Variants in EHMT1 observed in about 807,000 individuals in gnomAD.
EHMT1 encodes the protein euchromatic histone lysine methyltransferase 1.
Under a neutral mutation model 147.2 loss-of-function variants are expected in EHMT1, and 15 were observed. The observed-to-expected ratio is 0.10, with a 90% CI of 0.07 to 0.16. The LOEUF (loss-of-function observed/expected upper bound fraction) is 0.16, where lower values mean the gene tolerates loss of function less well. Ranked by LOEUF, EHMT1 falls within the 10% of genes least tolerant of loss-of-function variation. The pLI is 1.00. For synonymous variants in EHMT1, 795 were observed against 709.6 expected (o/e 1.12, Z -1.91); for missense variants, 1,587 against 1,772.4 (o/e 0.90, Z 1.88).
In EHMT1 at chr9:137,752,356, A is replaced by AGTCCGAGGAGGAGCG; in HGVS notation, c.1197_1198insTCCGAGGAGGAGCGG (p.Gln399_Glu400insSerGluGluGluArg). 1 of 1,614,228 alleles carries AGTCCGAGGAGGAGCG rather than the reference A, an allele frequency of 6.2e-7. No homozygotes were observed. The highest frequency in any genetic ancestry group is 8.5e-7 in the Non-Finnish European group (1 of 1,180,036). On this transcript the variant is annotated inframe_insertion, in exon 7 of 27. Coordinates refer to ENST00000460843, the MANE Select transcript of EHMT1 (RefSeq NM_024757.5). The stretch of plus-strand genomic sequence containing the variant: ...ATGGACGGGGAGTCCGAGGAGGAGC[A>AGTCCGAGGAGGAGCG]GGAGTCCGTGGACACCGGGGAGGAG...
intron 25 of EHMT1, among the ~76,000 whole-genome samples, chr9:137,833,542 C>T (rs550439810): frequency 5.2e-4 from 79 of 152,368 alleles, no homozygotes; most frequent in African/African-American, 1.9e-3. Flanking sequence ...GCCCCAGCAG[C>T]TCCAAGCCCT....
chr9:137,624,738 A>C (rs1843148764), intron 1 of EHMT1, among the ~76,000 whole-genome samples: 1 of 151,950 alleles, frequency 6.6e-6, no homozygotes, highest in Non-Finnish European at 1.5e-5. Context: ...TTGGGATTAC[A>C]GGCGTGAGCC....
chr9:137,708,075 A>G (rs963492980), intron 1 of EHMT1, among the ~76,000 whole-genome samples: 2 of 152,252 alleles, frequency 1.3e-5, no homozygotes, highest in Non-Finnish European at 2.9e-5. Context: ...AAATAATAAA[A>G]GTAAACATGT....
intron 1 of EHMT1, among the ~76,000 whole-genome samples, chr9:137,706,172 A>G (rs9410116): frequency 0.33 from 49,524 of 151,816 alleles, 8,640 homozygotes; most frequent in African/African-American, 0.44. Flanking sequence ...GGGGTTGGCG[A>G]GTCCTGGACC....
rs921893161 is a variant in EHMT1, at chr9:137,669,552, C to T, written c.22-41415C>T. Among the ~76,000 whole-genome samples the T allele has an allele frequency of 8.0e-4, 121 of 152,032 alleles. 3 individuals are homozygous for T. The East Asian group carries it at 0.023, about 28-fold the overall frequency. On this transcript the variant is annotated intron_variant, in intron 1 of 26. Transcript: ENST00000460843. ...TCGACTCCTCCCAAGACGCCCCGCA[C>T]AGCACGTGCACTCACCGACTCCACC...
intron 1 of EHMT1, among the ~76,000 whole-genome samples, chr9:137,624,710 C>T (rs1196135484): frequency 6.6e-6 from 1 of 152,116 alleles, no homozygotes; most frequent in Non-Finnish European, 1.5e-5. Flanking sequence ...GATCCATCCG[C>T]CTCAGCCTCC....
intron 1 of EHMT1, among the ~76,000 whole-genome samples, chr9:137,653,653 C>T (rs1193240868): frequency 3.3e-5 from 5 of 152,050 alleles, no homozygotes; most frequent in African/African-American, 1.2e-4. Context: ...CTCAGCCTCC[C>T]GAGTAGCTGG....
chr9:137,783,889 C>G (rs1951755517), intron 15 of EHMT1, among the ~76,000 whole-genome samples: 1 of 152,238 alleles, frequency 6.6e-6, no homozygotes, highest in South Asian at 2.1e-4. Flanking sequence ...GACCTTTTCC[C>G]TCGTTTTTGG....
intron 1 of EHMT1, among the ~76,000 whole-genome samples, chr9:137,656,629 C>G (rs1385235315): frequency 2.0e-5 from 3 of 152,170 alleles, no homozygotes; most frequent in Non-Finnish European, 4.4e-5. Context: ...GGGCATATGT[C>G]CAGGGGACAT....
chr9:137,748,137 T>C (rs759779657), intron 6 of EHMT1, among the ~76,000 whole-genome samples: 1 of 152,184 alleles, frequency 6.6e-6, no homozygotes, highest in Non-Finnish European at 1.5e-5. Context: ...AAAACTGTTA[T>C]CATACTAATG....
intron 3 of EHMT1, among the ~76,000 whole-genome samples, chr9:137,717,626 AGAG>A (rs1252273961): frequency 1.4e-5 from 2 of 140,254 alleles, no homozygotes. Flanking sequence ...AAAAAAAAAA[AGAG>A]ATGCTGCTAA....
chr9:137,803,133 T>TC (rs1317251251), intron 18 of EHMT1: 64 of 1,228,644 alleles, frequency 5.2e-5, no homozygotes, highest in Admixed American at 8.5e-5. Context: ...CTGTTAGCTC[T>TC]CTGATGCTGG....
At chr9:137,725,043 A>C (rs1453843072) in intron 3 of EHMT1, among the ~76,000 whole-genome samples, 1 of 134,408 alleles carries the variant, frequency 7.4e-6, no homozygotes, top group South Asian at 2.4e-4. Context: ...TTCGTGGGGC[A>C]TTCGTGGGGC....
At chr9:137,626,221 G>C (rs1021297323) in intron 1 of EHMT1, among the ~76,000 whole-genome samples, 5 of 151,232 alleles carry the variant, frequency 3.3e-5, no homozygotes, top group Admixed American at 3.3e-4. Context: ...AGTATCTCCT[G>C]TTCTTGTTTT....
chr9:137,781,207 G>T (rs552242470), intron 14 of EHMT1, among the ~76,000 whole-genome samples: 1 of 101,206 alleles, frequency 9.9e-6, no homozygotes, highest in Non-Finnish European at 1.8e-5. Context: ...ACGCTGAGAC[G>T]TGTGGTGACG....
Position 137,714,786 on chromosome 9 carries a change from C to T in EHMT1, c.86-1840C>T, listed in dbSNP as rs573244108. On this transcript the variant is annotated intron_variant, in intron 2 of 26. Transcript: ENST00000460843. ...TGGGTCGTGAACTCCTGGGTTCAAG[C>T]GATCATGCCTCCTTGGCCTCCCAAA... is the stretch of plus-strand genomic sequence containing the variant. Among the ~76,000 whole-genome samples, 159 of 152,080 alleles carry T rather than the reference C, an allele frequency of 1.0e-3. 2 individuals are homozygous for T. Among genetic ancestry groups the T allele is most frequent in the Non-Finnish European group, 8.8e-4 (60 of 67,990 alleles).
At chr9:137,720,927 TTGCTGAACCACACTCCAGAGTGGC>T (rs1945883754) in intron 3 of EHMT1, among the ~76,000 whole-genome samples, 2 of 152,048 alleles carry the variant, frequency 1.3e-5, no homozygotes, top group Admixed American at 1.3e-4. Context: ...AACGAGGAAA[TTGCTGAACCACACTCCAGAGTGGC>T]TGCAGCCTTT....
At chr9:137,626,996 T>G (rs1371632198) in intron 1 of EHMT1, among the ~76,000 whole-genome samples, 4 of 152,122 alleles carry the variant, frequency 2.6e-5, no homozygotes, top group African/African-American at 9.7e-5. Flanking sequence ...CTCGCTTTGT[T>G]GCCTAGGCTG....
chr9:137,834,660 G>C (rs1956476152), intron 26 of EHMT1, 113 bp from the exon 27 acceptor site: 2 of 1,596,246 alleles, frequency 1.3e-6, no homozygotes, highest in South Asian at 2.2e-5. Flanking sequence ...TGCGACCTGG[G>C]ATGCGGCACG....
Sources: gnomAD v4.1 joint callset for allele counts (sites outside exome capture counted in the v4.1 genomes callset) on GRCh38, gnomAD v4.1.1 for gene constraint, MANE v1.5 for transcripts, NCBI Gene and HGNC (gene_info 2026-07-23, HGNC 2026-07-21) for gene names.